Variants in MSI2 observed in about 807,000 individuals in gnomAD.
The protein encoded by MSI2 is RNA-binding protein Musashi homolog 2.
MSI2 carries 17 observed loss-of-function variants against 45.6 expected under a neutral mutation model. That is an observed-to-expected ratio of 0.37 (90% CI 0.26 to 0.56). The LOEUF is 0.56. MSI2 is among the 20% of genes least tolerant of loss of function. The pLI, the probability that MSI2 is intolerant of heterozygous loss-of-function variation, is 0.77. For synonymous variants in MSI2, 156 were observed against 158.2 expected (o/e 0.99, Z 0.11); for missense variants, 293 against 444.2 (o/e 0.66, Z 3.06).
intron 5 of MSI2, among the ~76,000 whole-genome samples, chr17:57,329,245 A>G (rs1598127186): frequency 6.6e-6 from 1 of 152,246 alleles, no homozygotes; most frequent in African/African-American, 2.4e-5. Flanking sequence ...TAGGATTATT[A>G]GAGGAGGTTT....
chr17:57,276,993 G>A (rs1908906478), intron 5 of MSI2, among the ~76,000 whole-genome samples: 1 of 151,892 alleles, frequency 6.6e-6, no homozygotes, highest in South Asian at 2.1e-4. Context: ...GTTCTCCTTG[G>A]GTTGTATCAT....
chr17:57,376,393 C>T (rs1946597713), intron 5 of MSI2, among the ~76,000 whole-genome samples: 1 of 152,210 alleles, frequency 6.6e-6, no homozygotes, highest in South Asian at 2.1e-4. Context: ...TTATTGCCCT[C>T]TCCTTCAGTG....
intron 5 of MSI2, among the ~76,000 whole-genome samples, chr17:57,361,236 A>T (rs530770823): frequency 5.9e-4 from 90 of 152,336 alleles, no homozygotes; most frequent in African/African-American, 2.0e-3. Flanking sequence ...TCAACAGTTG[A>T]TTACACATGC....
At chr17:57,571,374 C>T (rs531224738) in intron 7 of MSI2, among the ~76,000 whole-genome samples, 2 of 152,284 alleles carry the variant, frequency 1.3e-5, no homozygotes, top group South Asian at 4.1e-4. Context: ...CACCTCAGAA[C>T]CATGAGACAG....
chr17:57,425,945 C>T (rs908135600), intron 6 of MSI2, among the ~76,000 whole-genome samples: 2 of 152,148 alleles, frequency 1.3e-5, no homozygotes, highest in Admixed American at 6.5e-5. Flanking sequence ...ATTTACATTC[C>T]TCTGAAATTT....
chr17:57,481,508 C>G (rs1367099811), intron 6 of MSI2, among the ~76,000 whole-genome samples: 1 of 152,170 alleles, frequency 6.6e-6, no homozygotes, highest in African/African-American at 2.4e-5. Context: ...TCCCCCTTCT[C>G]CTTTGCTAGT....
intron 12 of MSI2, 104 bp from the exon 13 acceptor site, chr17:57,676,883 T>G (rs557693331): frequency 1.2e-6 from 1 of 805,552 alleles, no homozygotes; most frequent in East Asian, 2.4e-5. Context: ...ATATTCATGC[T>G]GGCAACCACA....
At chr17:57,697,549 C>T in the MSI2 span, among the ~76,000 whole-genome samples, 3 of 152,074 alleles carry the variant, frequency 2.0e-5, no homozygotes, top group Non-Finnish European at 2.9e-5. Context: ...TTCAGTCACT[C>T]GGTGTATTAG....
chr17:57,674,705 T>C (rs1913092652), intron 11 of MSI2, among the ~76,000 whole-genome samples: 1 of 152,192 alleles, frequency 6.6e-6, no homozygotes. Context: ...GTGTGTTGAA[T>C]GATTGTTTTT....
At chr17:57,519,257 G>A (rs967670330) in intron 6 of MSI2, among the ~76,000 whole-genome samples, 1 of 152,182 alleles carries the variant, frequency 6.6e-6, no homozygotes, top group Non-Finnish European at 1.5e-5. Context: ...CATGGACCAT[G>A]TATGGGTGTG....
intron 7 of MSI2, among the ~76,000 whole-genome samples, chr17:57,538,610 C>G (rs1395073924): frequency 6.6e-6 from 1 of 152,150 alleles, no homozygotes; most frequent in Non-Finnish European, 1.5e-5. Context: ...GGTTTCTTCC[C>G]CCTTCCTCCT....
At chr17:57,624,683 G>T (rs760478683) in intron 9 of MSI2, among the ~76,000 whole-genome samples, 3 of 152,170 alleles carry the variant, frequency 2.0e-5, no homozygotes, top group Non-Finnish European at 4.4e-5. Context: ...AGACCCTGTG[G>T]AGGTAGAGAC....
chr17:57,503,194 T>A (rs2086155313), intron 6 of MSI2, among the ~76,000 whole-genome samples: 1 of 152,142 alleles, frequency 6.6e-6, no homozygotes, highest in Non-Finnish European at 1.5e-5. Flanking sequence ...AGAGAGCTGA[T>A]GGGGAGTTTT....
At chr17:57,678,838 G>A (rs973476020) in intron 13 of MSI2, among the ~76,000 whole-genome samples, 5 of 152,190 alleles carry the variant, frequency 3.3e-5, no homozygotes, top group African/African-American at 9.7e-5. Context: ...GGCTGCACCC[G>A]CAGCACTTAG....
intron 6 of MSI2, chr17:57,450,283 GAAAGAAAGAAAGAAAGAAAGAAA>G (rs2084982939): frequency 1.5e-5 from 2 of 131,600 alleles, no homozygotes; most frequent in South Asian, 2.3e-4. Context: ...AAGAAAGAAA[GAAAGAAAGAAAGAAAGAAAGAAA>G]GAAAGAAAGA....
At chr17:57,560,253 G>A (rs928947870) in intron 7 of MSI2, among the ~76,000 whole-genome samples, 1 of 152,176 alleles carries the variant, frequency 6.6e-6, no homozygotes, top group African/African-American at 2.4e-5. Flanking sequence ...TCTCTGCGGG[G>A]AAGTTTTGTT....
rs536467721 is a variant in MSI2 at position 57,673,520 on chromosome 17, G to A, written c.791-1452G>A. Among the ~76,000 whole-genome samples the A allele has an allele frequency of 3.3e-5, 5 of 152,268 alleles. No homozygotes were observed. The East Asian group carries it at 9.6e-4, about 29-fold the overall frequency. ...TAAGACGGGTTAGCCGTAGCCCAAA[G>A]GTAGCCAGCCCAGACTCACCTTGAG... is the stretch of plus-strand genomic sequence containing the variant. On this transcript the variant is annotated intron_variant, in intron 11 of 13. Transcript: ENST00000284073.
intron 7 of MSI2, among the ~76,000 whole-genome samples, chr17:57,581,147 G>A (rs948414819): frequency 2.6e-5 from 4 of 151,536 alleles, no homozygotes; most frequent in African/African-American, 9.7e-5. Flanking sequence ...CAAGTAGCTG[G>A]AACTACAGGC....
chr17:57,619,344 C>G (rs1908054806), intron 9 of MSI2, among the ~76,000 whole-genome samples: 1 of 152,234 alleles, frequency 6.6e-6, no homozygotes, highest in African/African-American at 2.4e-5. Flanking sequence ...TTCCTGCCCT[C>G]CGCGAGCTTG....
Sources: allele counts gnomAD v4.1 joint callset (sites outside exome capture counted in the v4.1 genomes callset), GRCh38; gene constraint gnomAD v4.1.1; transcripts MANE v1.5; gene names NCBI Gene and HGNC (gene_info 2026-07-23, HGNC 2026-07-21).